Variants in VWC2L observed in about 807,000 individuals in gnomAD.
VWC2L encodes von Willebrand factor C domain-containing protein 2-like.
A neutral mutation model predicts 21.6 loss-of-function variants in VWC2L; 10 were observed. The observed-to-expected ratio is 0.46, with a 90% CI of 0.29 to 0.78. The LOEUF (loss-of-function observed/expected upper bound fraction) is 0.78. VWC2L is among the 30% of genes least tolerant of loss of function. The probability of loss-of-function intolerance (pLI) is 0.10; values close to 1 mark genes in which losing one functional copy is unlikely to be tolerated. For synonymous variants in VWC2L, 96 were observed against 94.3 expected, an observed-to-expected ratio of 1.02 and a Z score of -0.10; for missense variants, 209 against 277.1, an observed-to-expected ratio of 0.75 and a Z score of 1.74.
chr2:214,497,618 A>T (rs1574598207), intron 3 of VWC2L, among the ~76,000 whole-genome samples: 1 of 152,072 alleles, frequency 6.6e-6, no homozygotes, highest in Non-Finnish European at 1.5e-5. Flanking sequence ...TCCATTTCTA[A>T]CCCCAAATTT....
At chr2:214,434,248 T>A (rs761110287) in intron 2 of VWC2L, among the ~76,000 whole-genome samples, 1 of 152,214 alleles carries the variant, frequency 6.6e-6, no homozygotes, top group Non-Finnish European at 1.5e-5. Context: ...TATTGGTCTT[T>A]ACTGGATTAT....
intron 3 of VWC2L, among the ~76,000 whole-genome samples, chr2:214,457,456 T>C (rs747251070): frequency 6.6e-6 from 1 of 152,094 alleles, no homozygotes; most frequent in Non-Finnish European, 1.5e-5. Flanking sequence ...AATTTGACTC[T>C]CCCGTATCCA....
chr2:214,538,138 C>T (rs1024132295), intron 3 of VWC2L, among the ~76,000 whole-genome samples: 1 of 151,946 alleles, frequency 6.6e-6, no homozygotes, highest in Non-Finnish European at 1.5e-5. Context: ...ATCCTAGTGT[C>T]GGCATGACTG....
At chr2:214,559,230 T>G (rs926275317) in intron 3 of VWC2L, among the ~76,000 whole-genome samples, 1 of 151,896 alleles carries the variant, frequency 6.6e-6, no homozygotes, top group African/African-American at 2.4e-5. Flanking sequence ...AAAAAACACA[T>G]GAAAAAATGC....
intron 3 of VWC2L, among the ~76,000 whole-genome samples, chr2:214,524,478 G>A (rs1689295789): frequency 6.6e-6 from 1 of 152,152 alleles, no homozygotes; most frequent in Non-Finnish European, 1.5e-5. Context: ...CTAAAAATGA[G>A]GGGATTAAAC....
At chr2:214,476,695 A>T (rs944094068) in intron 3 of VWC2L, among the ~76,000 whole-genome samples, 5 of 152,204 alleles carry the variant, frequency 3.3e-5, no homozygotes, top group African/African-American at 1.2e-4. Flanking sequence ...AGATTTATTC[A>T]GTGAATTTTG....
intron 3 of VWC2L, among the ~76,000 whole-genome samples, chr2:214,520,978 C>T (rs1253704042): frequency 3.3e-5 from 5 of 151,956 alleles, no homozygotes; most frequent in Admixed American, 6.6e-5. Flanking sequence ...AATCCCAGCA[C>T]TTTGGGAGGC....
chr2:214,574,238 C>T (rs1409339354), intron 3 of VWC2L, among the ~76,000 whole-genome samples: 1 of 152,110 alleles, frequency 6.6e-6, no homozygotes, highest in Admixed American at 6.6e-5. Context: ...CCCTTATTTC[C>T]CTCCTGCTCT....
chr2:214,566,447 C>T (rs186712825), intron 3 of VWC2L, among the ~76,000 whole-genome samples: 1 of 152,324 alleles, frequency 6.6e-6, no homozygotes, highest in Admixed American at 6.5e-5. Context: ...AGAAAACTCT[C>T]TAGAGCTCTC....
In VWC2L at chr2:214,534,838, CA is replaced by C. The variant is rs1689501168; in HGVS notation, c.521-40833del. Reference sequence around the variant, plus strand: ...ATTTATACATATCAAGTGGTAATGTCAGATGCAAATGTTTCCCTCTTTTTAA... The same window carrying C: ...ATTTATACATATCAAGTGGTAATGTCGATGCAAATGTTTCCCTCTTTTTAA... On this transcript the variant is annotated intron_variant, in intron 3 of 3. Transcript: ENST00000312504. Among the ~76,000 whole-genome samples the C allele has an allele frequency of 2.6e-5, 4 of 152,194 alleles. No individual in the cohort carries two copies. In the South Asian group the frequency reaches 8.3e-4, roughly 32 times the overall value.
In VWC2L at chr2:214,414,499, C is replaced by A. The variant is rs995718379; in HGVS notation, c.306C>A (p.His102Gln). ...ACCCAAAGTGTACTAAAGTGGAACA[C>A]AATGGATGCTGTCCTGAGTGCAAAG... is the stretch of plus-strand genomic sequence containing the variant. ...KIHPKCTKVE[H>Q]NGCCPECKEV... The change falls in exon 2 of 4, where the codon CAC becomes CAA. Residue 102 changes from histidine to glutamine, a missense_variant. Coordinates refer to ENST00000312504, the MANE Select transcript of VWC2L (RefSeq NM_001080500.4). 2 of 1,613,426 alleles carry A rather than the reference C, an allele frequency of 1.2e-6. No homozygotes were observed. Among genetic ancestry groups the A allele is most frequent in the Non-Finnish European group, 1.7e-6 (2 of 1,179,652 alleles).
chr2:214,493,652 T>A (rs947905616), intron 3 of VWC2L, among the ~76,000 whole-genome samples: 1 of 152,302 alleles, frequency 6.6e-6, no homozygotes, highest in South Asian at 2.1e-4. Flanking sequence ...CCAAGGAGGA[T>A]TCTGACTGGT....
chr2:214,504,153 A>G (rs1688935113), intron 3 of VWC2L, among the ~76,000 whole-genome samples: 1 of 152,232 alleles, frequency 6.6e-6, no homozygotes, highest in African/African-American at 2.4e-5. Flanking sequence ...CAGATTTCAA[A>G]ATAAGAAAAT....
rs77501202 is a variant in VWC2L at position 214,547,664 on chromosome 2, C to T, written c.521-28008C>T. ...ACTGAAATTATATCTAGCTTTCTCC[C>T]TCAGTGACAGGATTCAATAATTGAA... On this transcript the variant is annotated intron_variant, in intron 3 of 3. Coordinates refer to ENST00000312504, the MANE Select transcript of VWC2L (RefSeq NM_001080500.4). Among the ~76,000 whole-genome samples the T allele has an allele frequency of 5.1e-3, 775 of 152,250 alleles. 17 individuals carry two copies. Among genetic ancestry groups the T allele is most frequent in the Admixed American group, 0.036 (548 of 15,296 alleles).
At chr2:214,567,302 C>T (rs1215763384) in intron 3 of VWC2L, among the ~76,000 whole-genome samples, 2 of 151,878 alleles carry the variant, frequency 1.3e-5, no homozygotes, top group South Asian at 4.2e-4. Context: ...GGATCTGGGT[C>T]GACAAACAAC....
At chr2:214,552,680 G>A (rs951872753) in intron 3 of VWC2L, among the ~76,000 whole-genome samples, 1 of 152,066 alleles carries the variant, frequency 6.6e-6, no homozygotes, top group Non-Finnish European at 1.5e-5. Context: ...TTAGTTCCTT[G>A]GGATTCCTTC....
intron 3 of VWC2L, among the ~76,000 whole-genome samples, chr2:214,539,255 CA>C (rs959148768): frequency 4.6e-5 from 7 of 152,106 alleles, no homozygotes; most frequent in African/African-American, 1.2e-4. Context: ...CAATTGGCAT[CA>C]AGGGAAACGA....
intron 2 of VWC2L, among the ~76,000 whole-genome samples, chr2:214,417,443 G>A (rs181492569): frequency 7.2e-5 from 11 of 152,252 alleles, no homozygotes; most frequent in Non-Finnish European, 1.2e-4. Context: ...ATAGTATGAG[G>A]CTTGGTTAAG....
chr2:214,438,494 T>C (rs973137281), intron 3 of VWC2L, among the ~76,000 whole-genome samples: 1 of 152,088 alleles, frequency 6.6e-6, no homozygotes, highest in Admixed American at 6.6e-5. Context: ...CTTTTAGCTT[T>C]GTCTCACAAT....
Sources: gnomAD v4.1 joint callset for allele counts (sites outside exome capture counted in the v4.1 genomes callset) on GRCh38, gnomAD v4.1.1 for gene constraint, MANE v1.5 for transcripts, NCBI Gene and HGNC (gene_info 2026-07-23, HGNC 2026-07-21) for gene names.